Variants in HTR1F observed in about 807,000 individuals in gnomAD.
HTR1F encodes 5-hydroxytryptamine (serotonin) receptor 1F, G protein-coupled.
In HTR1F, 17 loss-of-function variants were observed where a neutral mutation model predicts 24.0. The observed-to-expected ratio is 0.71, with a 90% confidence interval of 0.48 to 1.06. HTR1F has a LOEUF of 1.06. HTR1F is among the 50% of genes least tolerant of loss of function. The probability of loss-of-function intolerance (pLI) is 0.00; values close to 1 mark genes in which losing one functional copy is unlikely to be tolerated. For synonymous variants in HTR1F, 186 were observed against 156.8 expected (o/e 1.19, Z -1.39); for missense variants, 391 against 427.8 (o/e 0.91, Z 0.76).
chr3:87,866,514 CCTGACA>C (rs1175367152), intron 2 of HTR1F, among the ~76,000 whole-genome samples: 2 of 152,166 alleles, frequency 1.3e-5, no homozygotes, highest in African/African-American at 4.8e-5. Flanking sequence ...CCAGATTTTA[CCTGACA>C]CTATGACCTT....
At chr3:87,850,316 G>C (rs1000084321) in intron 2 of HTR1F, among the ~76,000 whole-genome samples, 1 of 151,896 alleles carries the variant, frequency 6.6e-6, no homozygotes, top group Non-Finnish European at 1.5e-5. Flanking sequence ...TAGGGACATG[G>C]ATGAAGCCGG....
At chr3:87,870,157 T>C (rs1054962254) in intron 2 of HTR1F, among the ~76,000 whole-genome samples, 1 of 152,078 alleles carries the variant, frequency 6.6e-6, no homozygotes, top group African/African-American at 2.4e-5. Context: ...AACTAAAAAC[T>C]ATAAGTGAGT....
At chr3:87,876,922 A>T (rs1018494115) in intron 2 of HTR1F, among the ~76,000 whole-genome samples, 1 of 152,174 alleles carries the variant, frequency 6.6e-6, no homozygotes, top group Non-Finnish European at 1.5e-5. Flanking sequence ...AAAATCACTA[A>T]GGTGGTAAAT....
Position 87,990,707 on chromosome 3 carries a change from G to C in HTR1F, c.-42-1G>C. 6.8e-7 allele frequency: 1 copy of C among 1,464,782 alleles called. No individual in the cohort carries two copies. The highest frequency in any genetic ancestry group is 1.8e-5 in the Admixed American group (1 of 56,004). 90.7% of individuals were successfully genotyped at this position (1,464,782 alleles called of 1,614,324 possible). Reference sequence around the variant, plus strand: ...CTGTTTTTTCTCTTCCCTTGTTACAGGTATCCATTTTTCAGCTATATTAAT... The same window carrying C: ...CTGTTTTTTCTCTTCCCTTGTTACACGTATCCATTTTTCAGCTATATTAAT... On this transcript the variant is annotated splice_acceptor_variant, in intron 2 of 2. Coordinates refer to ENST00000319595, the MANE Select transcript of HTR1F (RefSeq NM_001322209.2). LOFTEE classifies it low-confidence loss of function (5UTR_SPLICE).
intron 2 of HTR1F, among the ~76,000 whole-genome samples, chr3:87,870,128 G>T (rs1333626241): frequency 6.6e-6 from 1 of 151,998 alleles, no homozygotes. Context: ...CTATGTAACA[G>T]GTATTGTACA....
intron 2 of HTR1F, among the ~76,000 whole-genome samples, chr3:87,931,296 G>A (rs1295531041): frequency 1.3e-5 from 2 of 151,916 alleles, no homozygotes; most frequent in African/African-American, 4.8e-5. Flanking sequence ...AGAACATGCG[G>A]TGTTTGGTTT....
intron 2 of HTR1F, among the ~76,000 whole-genome samples, chr3:87,927,348 G>C (rs1254768417): frequency 1.4e-5 from 2 of 146,076 alleles, no homozygotes; most frequent in Non-Finnish European, 3.0e-5. Flanking sequence ...ATATTTATTC[G>C]TCTTAGTTTT....
At chr3:87,919,212 T>A (rs1703958761) in intron 2 of HTR1F, among the ~76,000 whole-genome samples, 1 of 152,020 alleles carries the variant, frequency 6.6e-6, no homozygotes, top group African/African-American at 2.4e-5. Flanking sequence ...TCACCTTATA[T>A]AAAAATCATT....
chr3:87,949,630 C>G (rs537654258), intron 2 of HTR1F, among the ~76,000 whole-genome samples: 28 of 152,194 alleles, frequency 1.8e-4, no homozygotes, highest in African/African-American at 6.5e-4. Flanking sequence ...ACTTTCAGAT[C>G]TTTGCCTTCT....
intron 2 of HTR1F, among the ~76,000 whole-genome samples, chr3:87,987,655 TATAA>T (rs1266065941): frequency 4.4e-5 from 4 of 90,064 alleles, no homozygotes; most frequent in Non-Finnish European, 7.3e-5. Context: ...TATATATATA[TATAA>T]AAATATATGT....
chr3:87,960,488 A>C (rs1038721781), intron 2 of HTR1F, among the ~76,000 whole-genome samples: 7 of 151,990 alleles, frequency 4.6e-5, no homozygotes, highest in Non-Finnish European at 7.4e-5. Context: ...GTAGGGAAAG[A>C]ATATGGGTTT....
chr3:87,991,160 A>T lies in HTR1F; in HGVS notation c.411A>T (p.Pro137=), dbSNP rs768602755. ...DAVEYARKRT[P]KHAGIMITIV... ...TTGAGTATGCCAGGAAAAGGACTCCAAAGCATGCTGGCATTATGATTACAA... is the reference window on the plus strand; with the variant it reads ...TTGAGTATGCCAGGAAAAGGACTCCTAAGCATGCTGGCATTATGATTACAA... The change falls in exon 3 of 3, where the codon CCA becomes CCT. Residue 137 remains proline, a synonymous_variant. Coordinates refer to ENST00000319595, the MANE Select transcript of HTR1F (RefSeq NM_001322209.2). 3.7e-6 allele frequency: 6 copies of T among 1,614,062 alleles called. No individual in the cohort carries two copies. In the East Asian group the frequency reaches 1.3e-4, roughly 36 times the overall value.
chr3:87,869,454 T>TAGATGATAGATAGATAGATAGATAGATA (rs113301497), intron 2 of HTR1F, among the ~76,000 whole-genome samples: 40 of 124,858 alleles, frequency 3.2e-4, no homozygotes, highest in African/African-American at 1.3e-3. Context: ...GATAGATAGA[T>TAGATGATAGATAGATAGATAGATAGATA]GATAGATAGA....
rs1436489001 is a variant in HTR1F, at chr3:87,991,328, A to C, written c.579A>C (p.Pro193=). Residue 193 remains proline, a synonymous_variant, in exon 3 of 3, where the codon CCA becomes CCC. Coordinates refer to ENST00000319595, the MANE Select transcript of HTR1F (RefSeq NM_001322209.2). ...CAACATTTGGAGCTTTCTACATCCC[A>C]CTGGCATTGATTTTGATCCTTTACT... ...IYSTFGAFYI[P]LALILILYYK... 1 of 1,613,946 alleles carries C rather than the reference A, an allele frequency of 6.2e-7. No individual in the cohort carries two copies. The highest frequency in any genetic ancestry group is 1.7e-5 in the Admixed American group (1 of 60,020).
chr3:87,883,863 T>C (rs1258400582), intron 2 of HTR1F, among the ~76,000 whole-genome samples: 1 of 152,054 alleles, frequency 6.6e-6, no homozygotes, highest in African/African-American at 2.4e-5. Flanking sequence ...CAAATCTATG[T>C]TTGATTGGTG....
chr3:87,933,261 A>G (rs1373789241), intron 2 of HTR1F, among the ~76,000 whole-genome samples: 3 of 151,506 alleles, frequency 2.0e-5, no homozygotes, highest in African/African-American at 7.3e-5. Context: ...TGAATGGGCA[A>G]AAACTGGAAG....
rs1281107829 is a variant in HTR1F at position 87,993,818 on chromosome 3, G to A, written c.*1968G>A. 6.5e-6 allele frequency: 1 copy of A among 153,866 alleles called. No individual in the cohort carries two copies. The highest frequency in any genetic ancestry group is 2.6e-5 in the African/African-American group (1 of 38,356). The allele number at this position is 153,866 out of a possible 1,614,324, so 9.5% of individuals were successfully genotyped here. On this transcript the variant is annotated 3_prime_UTR_variant, in exon 3 of 3. Transcript: ENST00000319595. ...TTAGCAAAAATATTACAAGTTTAGA[G>A]CAAATCTAAACAAAAAAGAAAGAAA... is the stretch of plus-strand genomic sequence containing the variant.
chr3:87,968,157 T>C (rs927078737), intron 2 of HTR1F, among the ~76,000 whole-genome samples: 2 of 152,158 alleles, frequency 1.3e-5, no homozygotes, highest in Non-Finnish European at 2.9e-5. Context: ...GCCCCTGCCC[T>C]AGAGATTTGT....
intron 2 of HTR1F, among the ~76,000 whole-genome samples, chr3:87,841,004 G>C (rs1017882473): frequency 2.0e-5 from 3 of 151,900 alleles, no homozygotes; most frequent in African/African-American, 7.3e-5. Context: ...ACACAGTTCT[G>C]ACGTTTCATT....
Sources: allele counts gnomAD v4.1 joint callset (sites outside exome capture counted in the v4.1 genomes callset), GRCh38; gene constraint gnomAD v4.1.1; transcripts MANE v1.5; gene names NCBI Gene and HGNC (gene_info 2026-07-23, HGNC 2026-07-21).